The following NCOA3 variants were observed in gnomAD, a reference collection of about 807,000 sequenced individuals.
The protein encoded by NCOA3 is nuclear receptor coactivator 3, also known as CBP-interacting protein.
In NCOA3, 51 loss-of-function variants were observed where a neutral mutation model predicts 158.8. The ratio of observed to expected loss-of-function variants is 0.32; its 90% confidence interval spans 0.26 to 0.41. The LOEUF (loss-of-function observed/expected upper bound fraction) is 0.41. NCOA3 is among the 10% of genes least tolerant of loss of function. The pLI, the probability that NCOA3 is intolerant of heterozygous loss-of-function variation, is 1.00. For synonymous variants in NCOA3, 537 were observed against 592.4 expected (o/e 0.91, Z 1.36); for missense variants, 1,510 against 1,746.6 (o/e 0.86, Z 2.41).
chr20:47,515,351 T>C (rs2146065859), intron 1 of NCOA3, among the ~76,000 whole-genome samples: 1 of 151,576 alleles, frequency 6.6e-6, no homozygotes, highest in African/African-American at 2.4e-5. Flanking sequence ...TTAGTAGAGA[T>C]GGGGTTTCAC....
intron 2 of NCOA3, among the ~76,000 whole-genome samples, chr20:47,600,558 A>G (rs2085844416): frequency 6.7e-6 from 1 of 149,304 alleles, no homozygotes; most frequent in South Asian, 2.1e-4. Flanking sequence ...TCAGTCTGTC[A>G]CCCAGGCTCT....
chr20:47,565,117 G>T (rs2085171599), intron 1 of NCOA3, among the ~76,000 whole-genome samples: 1 of 152,148 alleles, frequency 6.6e-6, no homozygotes, highest in African/African-American at 2.4e-5. Flanking sequence ...GAGTAGCTGG[G>T]ATTACAGGCA....
chr20:47,585,239 A>G (rs1026231080), intron 2 of NCOA3, among the ~76,000 whole-genome samples: 1 of 151,854 alleles, frequency 6.6e-6, no homozygotes, highest in Non-Finnish European at 1.5e-5. Flanking sequence ...TTTGGTAGAG[A>G]TGGGATTTCA....
At chr20:47,605,865 C>A (rs1391944551) in intron 2 of NCOA3, among the ~76,000 whole-genome samples, 1 of 152,184 alleles carries the variant, frequency 6.6e-6, no homozygotes, top group Non-Finnish European at 1.5e-5. Flanking sequence ...CAGCATTTCT[C>A]TGTTATCCTT....
intron 1 of NCOA3, among the ~76,000 whole-genome samples, chr20:47,572,609 T>C (rs2085312096): frequency 6.6e-6 from 1 of 151,860 alleles, no homozygotes; most frequent in East Asian, 1.9e-4. Flanking sequence ...CAATCTCAGC[T>C]CACTGCGACT....
chr20:47,514,670 A>G (rs533123051), intron 1 of NCOA3, among the ~76,000 whole-genome samples: 53 of 149,504 alleles, frequency 3.5e-4, no homozygotes, highest in Non-Finnish European at 6.7e-4. Context: ...CTGGGATCAC[A>G]GGTGTGCTGT....
chr20:47,593,657 A>G (rs1334718931), intron 2 of NCOA3, among the ~76,000 whole-genome samples: 2 of 152,024 alleles, frequency 1.3e-5, no homozygotes, highest in African/African-American at 4.8e-5. Flanking sequence ...TGATGGATTT[A>G]ACTTCATGAA....
At chr20:47,575,645 GT>G (rs1054462157) in intron 1 of NCOA3, among the ~76,000 whole-genome samples, 1 of 152,114 alleles carries the variant, frequency 6.6e-6, no homozygotes, top group African/African-American at 2.4e-5. Context: ...TACTTTGCTG[GT>G]TTGGATAAGA....
chr20:47,644,766 C>T (rs926167360), intron 17 of NCOA3, among the ~76,000 whole-genome samples: 5 of 151,690 alleles, frequency 3.3e-5, no homozygotes, highest in African/African-American at 7.3e-5. Flanking sequence ...AGCGTGATCT[C>T]GGCTCACTGC....
At chr20:47,562,533 T>A (rs550983827) in intron 1 of NCOA3, among the ~76,000 whole-genome samples, 1 of 151,308 alleles carries the variant, frequency 6.6e-6, no homozygotes, top group Non-Finnish European at 1.5e-5. Context: ...TGTCCATCTG[T>A]CTTGATTTTT....
At chr20:47,599,726 TA>T (rs2085826371) in intron 2 of NCOA3, among the ~76,000 whole-genome samples, 1 of 152,224 alleles carries the variant, frequency 6.6e-6, no homozygotes, top group South Asian at 2.1e-4. Flanking sequence ...CTTCAAATTT[TA>T]AAAAACCTTA....
At chr20:47,621,214 TATG>T in intron 2 of NCOA3, among the ~76,000 whole-genome samples, 1 of 152,282 alleles carries the variant, frequency 6.6e-6, no homozygotes, top group African/African-American at 2.4e-5. Context: ...TGATTTATAT[TATG>T]ATCATGTGAT....
At chr20:47,586,528 G>A (rs1158240436) in intron 2 of NCOA3, among the ~76,000 whole-genome samples, 2 of 152,112 alleles carry the variant, frequency 1.3e-5, no homozygotes, top group Non-Finnish European at 2.9e-5. Flanking sequence ...AATGGACATC[G>A]ATGAAATCTA....
intron 1 of NCOA3, among the ~76,000 whole-genome samples, chr20:47,579,851 C>T (rs2085424572): frequency 6.6e-6 from 1 of 152,198 alleles, no homozygotes; most frequent in Non-Finnish European, 1.5e-5. Flanking sequence ...GGGCTCAAAT[C>T]TGCCTCTCTG....
intron 1 of NCOA3, among the ~76,000 whole-genome samples, chr20:47,532,736 G>C (rs2084566453): frequency 1.3e-5 from 2 of 152,064 alleles, no homozygotes; most frequent in South Asian, 4.1e-4. Flanking sequence ...GCTTCCCAAA[G>C]TATTGGCATT....
chr20:47,629,983 G>C (rs1008791617), intron 8 of NCOA3, among the ~76,000 whole-genome samples: 24 of 152,208 alleles, frequency 1.6e-4, no homozygotes, highest in African/African-American at 5.3e-4. Context: ...TGCTTTGTGT[G>C]ATTAACATCA....
intron 2 of NCOA3, among the ~76,000 whole-genome samples, chr20:47,610,386 A>G (rs1431264467): frequency 1.3e-5 from 2 of 151,968 alleles, no homozygotes; most frequent in East Asian, 1.9e-4. Flanking sequence ...TGCCCAGCTA[A>G]TTTTTGTGTT....
chr20:47,515,691 G>T (rs2146067359), intron 1 of NCOA3, among the ~76,000 whole-genome samples: 1 of 151,948 alleles, frequency 6.6e-6, no homozygotes, highest in African/African-American at 2.4e-5. Context: ...CACTATGTTG[G>T]CTGGTCTTGA....
intron 2 of NCOA3, among the ~76,000 whole-genome samples, chr20:47,605,105 A>T (rs2085924817): frequency 6.6e-6 from 1 of 152,182 alleles, no homozygotes; most frequent in African/African-American, 2.4e-5. Flanking sequence ...TGACCTCGTG[A>T]TCCGCCCGCC....
Sources: allele counts gnomAD v4.1 joint callset (sites outside exome capture counted in the v4.1 genomes callset), GRCh38; gene constraint gnomAD v4.1.1; transcripts MANE v1.5; gene names NCBI Gene and HGNC (gene_info 2026-07-23, HGNC 2026-07-21).